MFAP1: variants seen among roughly 807,000 people sequenced by gnomAD.
MFAP1 encodes the protein microfibrillar-associated protein 1.
MFAP1 carries 18 observed loss-of-function variants against 62.2 expected under a neutral mutation model. The ratio of observed to expected loss-of-function variants is 0.29; its 90% CI spans 0.20 to 0.43. The LOEUF is 0.43. Ranked by LOEUF, MFAP1 falls within the 20% of genes least tolerant of loss-of-function variation. MFAP1 has a pLI of 1.00. For synonymous variants in MFAP1, 175 were observed against 180.4 expected, an observed-to-expected ratio of 0.97 and a Z score of 0.24; for missense variants, 355 against 559.7, an observed-to-expected ratio of 0.63 and a Z score of 3.69.
intron 1 of MFAP1, among the ~76,000 whole-genome samples, chr15:43,820,394 T>C (rs1409848317): frequency 6.6e-6 from 1 of 152,170 alleles, no homozygotes; most frequent in Non-Finnish European, 1.5e-5. Context: ...TAGTCAACAC[T>C]GTATTATGGT....
At chr15:43,823,934 C>G (rs1220895871) in intron 1 of MFAP1, among the ~76,000 whole-genome samples, 1 of 152,126 alleles carries the variant, frequency 6.6e-6, no homozygotes, top group Non-Finnish European at 1.5e-5. Context: ...CTTCTATGGA[C>G]AGCAAAAGAG....
Position 43,820,453 on chromosome 15 carries a change from C to T in MFAP1, c.80-3005G>A, listed in dbSNP as rs2087460575. Among the ~76,000 whole-genome samples the T allele has an allele frequency of 2.6e-5, 4 of 152,164 alleles. No individual in the cohort carries two copies. In the South Asian group the frequency reaches 8.3e-4, roughly 32 times the overall value. On this transcript the variant is annotated intron_variant, in intron 1 of 8. Coordinates refer to ENST00000267812, the MANE Select transcript of MFAP1 (RefSeq NM_005926.3). Reference sequence around the variant, plus strand: ...GTTATAAGGATTTAAAAGGAAGAAACTGCCATAATTTGCAGATTATATGGT... The same window carrying T: ...GTTATAAGGATTTAAAAGGAAGAAATTGCCATAATTTGCAGATTATATGGT...
intron 1 of MFAP1, among the ~76,000 whole-genome samples, chr15:43,819,133 C>T (rs1433965160): frequency 2.0e-5 from 3 of 152,094 alleles, no homozygotes; most frequent in African/African-American, 4.8e-5. Flanking sequence ...GTGGAGGTTG[C>T]AGTGAGCTGA....
chr15:43,823,381 CTTT>C (rs200413511), intron 1 of MFAP1, among the ~76,000 whole-genome samples: 1 of 142,012 alleles, frequency 7.0e-6, no homozygotes, highest in African/African-American at 2.6e-5. Flanking sequence ...GCAGAACTTT[CTTT>C]TTTTTTTTTT....
chr15:43,809,506 A>G (rs986659139), intron 7 of MFAP1, among the ~76,000 whole-genome samples: 1 of 151,942 alleles, frequency 6.6e-6, no homozygotes, highest in Non-Finnish European at 1.5e-5. Context: ...AAAAAAAAAA[A>G]AAGTCTATTA....
chr15:43,805,132 A>G lies in MFAP1; in HGVS notation c.1282T>C (p.Phe428Leu). The G allele has an allele frequency of 6.3e-7, 1 of 1,595,812 alleles. No individual in the cohort carries two copies. Among genetic ancestry groups the G allele is most frequent in the Middle Eastern group, 1.7e-4 (1 of 6,020 alleles). ...KQKAAGVRDV[F>L]ERPSAKKRKT... Reference sequence around the variant, plus strand: ...CGCTTCTTGGCAGATGGCCGCTCAAATACATCTCGTACCCCAGCTGCCTTT... The same window carrying G: ...CGCTTCTTGGCAGATGGCCGCTCAAGTACATCTCGTACCCCAGCTGCCTTT... Residue 428 changes from phenylalanine to leucine, a missense_variant, in exon 9 of 9, where the codon TTT becomes CTT. Physicochemically the swap from Phe to Leu is conservative, Grantham distance 22. Coordinates refer to ENST00000267812, the MANE Select transcript of MFAP1 (RefSeq NM_005926.3).
intron 7 of MFAP1, 61 bp downstream of exon 7, chr15:43,809,694 A>C (rs1046026908): frequency 3.6e-5 from 56 of 1,560,308 alleles, no homozygotes; most frequent in Non-Finnish European, 4.6e-5. Context: ...AGAGAAAAAT[A>C]ATTCAAAGTT....
intron 6 of MFAP1, chr15:43,810,208 T>C (rs1278425857): frequency 6.9e-6 from 2 of 290,398 alleles, no homozygotes; most frequent in East Asian, 6.1e-5. Flanking sequence ...CCCTAAAAGG[T>C]CTTCTTAGCT....
chr15:43,815,107 T>C (rs1484030294), intron 2 of MFAP1, 33 bp from the exon 3 acceptor site: 1 of 1,612,628 alleles, frequency 6.2e-7, no homozygotes, highest in South Asian at 1.1e-5. Flanking sequence ...GTAACACCAA[T>C]GTCATAAAAA....
intron 3 of MFAP1, 81 bp from the exon 4 acceptor site, chr15:43,814,769 T>C: frequency 1.3e-6 from 2 of 1,523,550 alleles, no homozygotes; most frequent in Non-Finnish European, 1.8e-6. Context: ...CAAATTCAAA[T>C]GTAAAAAGAT....
intron 7 of MFAP1, among the ~76,000 whole-genome samples, chr15:43,807,817 A>T (rs905924845): frequency 6.6e-6 from 1 of 152,162 alleles, no homozygotes; most frequent in African/African-American, 2.4e-5. Flanking sequence ...ACCTTTGCAT[A>T]GTATATGCAC....
At chr15:43,816,592 C>T (rs767225947) in intron 2 of MFAP1, among the ~76,000 whole-genome samples, 2 of 152,148 alleles carry the variant, frequency 1.3e-5, no homozygotes, top group African/African-American at 2.4e-5. Flanking sequence ...GACATAAATA[C>T]TTATTAAGTT....
At chr15:43,819,065 A>T (rs2087451778) in intron 1 of MFAP1, among the ~76,000 whole-genome samples, 1 of 152,130 alleles carries the variant, frequency 6.6e-6, no homozygotes, top group Non-Finnish European at 1.5e-5. Flanking sequence ...GGTGGCACAG[A>T]CTTTTTAATC....
intron 1 of MFAP1, among the ~76,000 whole-genome samples, chr15:43,823,589 G>A (rs1248119740): frequency 6.6e-6 from 1 of 150,670 alleles, no homozygotes; most frequent in East Asian, 2.0e-4. Flanking sequence ...TGATCGCCAG[G>A]CTGTCTTGAA....
chr15:43,807,209 G>A (rs1049232283), intron 7 of MFAP1, among the ~76,000 whole-genome samples: 1 of 151,548 alleles, frequency 6.6e-6, no homozygotes, highest in South Asian at 2.1e-4. Flanking sequence ...AAACTAGTTG[G>A]GCGTGGTGGT....
At chr15:43,814,463 A>T (rs781280785) in intron 4 of MFAP1, 38 bp downstream of exon 4, 7 of 1,559,690 alleles carry the variant, frequency 4.5e-6, no homozygotes, top group Non-Finnish European at 6.1e-6. Context: ...GGAAAGTGGT[A>T]ATTAAGTGGA....
chr15:43,812,828 C>G (rs528761417), intron 6 of MFAP1, among the ~76,000 whole-genome samples, 159 bp downstream of exon 6: 1 of 152,264 alleles, frequency 6.6e-6, no homozygotes, highest in South Asian at 2.1e-4. Flanking sequence ...TTCACTGTAG[C>G]AAGTGAAACT....
At chr15:43,818,469 T>A (rs1596058482) in intron 1 of MFAP1, among the ~76,000 whole-genome samples, 1 of 105,560 alleles carries the variant, frequency 9.5e-6, no homozygotes. Flanking sequence ...CTAAATAACG[T>A]AAGAGCAAAT....
At chr15:43,812,946 T>TC (rs756027647) in intron 6 of MFAP1, 41 bp downstream of exon 6, 8 of 1,604,858 alleles carry the variant, frequency 5.0e-6, no homozygotes, top group Non-Finnish European at 6.8e-6. Flanking sequence ...AGAAACCTGT[T>TC]CCATTAGCAG....
Sources: gnomAD v4.1 joint callset for allele counts (sites outside exome capture counted in the v4.1 genomes callset) on GRCh38, gnomAD v4.1.1 for gene constraint, MANE v1.5 for transcripts, NCBI Gene and HGNC (gene_info 2026-07-23, HGNC 2026-07-21) for gene names.